Variants in FKBP6 observed in about 807,000 individuals in gnomAD.
FKBP6 encodes inactive peptidyl-prolyl cis-trans isomerase FKBP6.
FKBP6 carries 29 observed loss-of-function variants against 41.7 expected under a neutral mutation model. The ratio of observed to expected loss-of-function variants is 0.70; its 90% CI spans 0.52 to 0.95. The LOEUF (loss-of-function observed/expected upper bound fraction) is 0.95, where lower values mean the gene tolerates loss of function less well. FKBP6 is among the 40% of genes least tolerant of loss of function. The pLI is 0.00. For missense variants in FKBP6, 338 were observed against 408.7 expected (o/e 0.83, Z 1.49); for synonymous variants, 130 against 165.1 (o/e 0.79, Z 1.63).
intron 5 of FKBP6, among the ~76,000 whole-genome samples, chr7:73,334,224 C>T (rs553003219): frequency 2.0e-5 from 3 of 152,148 alleles, no homozygotes; most frequent in Admixed American, 1.3e-4. Context: ...CTAAATTTTA[C>T]GGTGATGTGC....
At chr7:73,338,316 G>A (rs61439610) in intron 5 of FKBP6, among the ~76,000 whole-genome samples, 4,436 of 152,270 alleles carry the variant, frequency 0.029, 223 homozygotes, top group African/African-American at 0.1. Context: ...ATGAGCCACC[G>A]CACCCGGACC....
chr7:73,337,612 C>T (rs141431773), intron 5 of FKBP6, among the ~76,000 whole-genome samples: 27 of 152,172 alleles, frequency 1.8e-4, no homozygotes, highest in African/African-American at 6.3e-4. Context: ...TCGTGTCCGG[C>T]CTTCCAGTTC....
chr7:73,339,916 A>G (rs1358321616), intron 5 of FKBP6, among the ~76,000 whole-genome samples: 2 of 152,170 alleles, frequency 1.3e-5, no homozygotes, highest in Admixed American at 1.3e-4. Flanking sequence ...CCTGGCCACC[A>G]TATGAATTAT....
Position 73,358,565 on chromosome 7 carries a change from A to G in FKBP6, c.*387A>G, listed in dbSNP as rs1448127403. 7 of 152,614 alleles carry G rather than the reference A, an allele frequency of 4.6e-5. No individual in the cohort carries two copies. Among genetic ancestry groups the G allele is most frequent in the African/African-American group, 1.4e-4 (6 of 41,432 alleles). The allele number at this position is 152,614 out of a possible 1,614,324, so 9.5% of individuals were successfully genotyped here. On this transcript the variant is annotated 3_prime_UTR_variant, in exon 9 of 9. Transcript: ENST00000252037. ...TTTTGTAGGGTTCTCTGTTTTGAAG[A>G]CAGAATTATGTTACAAATGTTTTTG... is the stretch of plus-strand genomic sequence containing the variant.
At chr7:73,347,998 C>T (rs1217712821) in intron 8 of FKBP6, among the ~76,000 whole-genome samples, 2 of 152,142 alleles carry the variant, frequency 1.3e-5, no homozygotes, top group African/African-American at 4.8e-5. Flanking sequence ...TCCAGGTACT[C>T]CCTGTTGCTC....
At chr7:73,329,724 T>G (rs1199192388) in intron 3 of FKBP6, 2 of 560,960 alleles carry the variant, frequency 3.6e-6, no homozygotes, top group African/African-American at 3.8e-5. Flanking sequence ...GAATACTTAC[T>G]TCCCACAATA....
chr7:73,349,105 A>C (rs551055106), intron 8 of FKBP6, among the ~76,000 whole-genome samples: 63 of 148,164 alleles, frequency 4.3e-4, no homozygotes, highest in South Asian at 6.4e-4. Flanking sequence ...ACCCTGTCCC[A>C]AAAAAAAAAA....
intron 7 of FKBP6, among the ~76,000 whole-genome samples, chr7:73,341,712 A>G (rs1441419488): frequency 7.1e-6 from 1 of 141,238 alleles, no homozygotes; most frequent in Non-Finnish European, 1.5e-5. Context: ...CACCTAGGCT[A>G]TAGGGCAATG....
At chr7:73,350,539 C>G (rs1360615168) in intron 8 of FKBP6, among the ~76,000 whole-genome samples, 3 of 152,132 alleles carry the variant, frequency 2.0e-5, no homozygotes, top group Non-Finnish European at 4.4e-5. Flanking sequence ...AAATTCCCCC[C>G]TCCTTTGCTT....
In FKBP6 at chr7:73,328,194, C is replaced by G; in HGVS notation, c.-235C>G. On this transcript the variant is annotated 5_prime_UTR_variant, in exon 1 of 9. Coordinates refer to ENST00000252037, the MANE Select transcript of FKBP6 (RefSeq NM_003602.5). ...TCGTGCGCTCCCATTACGGATCATA[C>G]CTCGCACCTCACCGCGTGGCCTCTG... 1 of 1,547,950 alleles carries G rather than the reference C, an allele frequency of 6.5e-7. No individual in the cohort carries two copies.
At chr7:73,357,275 T>TG (rs1394188913) in intron 8 of FKBP6, among the ~76,000 whole-genome samples, 2 of 143,146 alleles carry the variant, frequency 1.4e-5, no homozygotes, top group Non-Finnish European at 3.1e-5. Flanking sequence ...TTTGGTTTTT[T>TG]TTTTTTTTTT....
chr7:73,332,619 G>A (rs1416901624), intron 5 of FKBP6, among the ~76,000 whole-genome samples: 1 of 152,136 alleles, frequency 6.6e-6, no homozygotes, highest in South Asian at 2.1e-4. Context: ...GGATTGGGAG[G>A]CACCTGGGAA....
intron 5 of FKBP6, 71 bp from the exon 6 acceptor site, chr7:73,340,567 C>T (rs891759637): frequency 3.4e-5 from 44 of 1,275,786 alleles, no homozygotes; most frequent in Non-Finnish European, 4.6e-5. Context: ...ATAGTTTTTG[C>T]GTGTGGATTC....
chr7:73,337,031 C>T (rs1805026498), intron 5 of FKBP6: 1 of 341,682 alleles, frequency 2.9e-6, no homozygotes, highest in Non-Finnish European at 5.8e-6. Flanking sequence ...TTTGATTACT[C>T]ATGGGAATGA....
intron 5 of FKBP6, among the ~76,000 whole-genome samples, chr7:73,333,335 C>G (rs1442816080): frequency 1.3e-5 from 2 of 152,046 alleles, no homozygotes; most frequent in African/African-American, 4.8e-5. Flanking sequence ...TCATATAGGC[C>G]AAATGTTGCC....
At chr7:73,354,673 G>T (rs551121225) in intron 8 of FKBP6, among the ~76,000 whole-genome samples, 23 of 152,336 alleles carry the variant, frequency 1.5e-4, no homozygotes, top group Admixed American at 2.6e-4. Flanking sequence ...TTTCAGGAAG[G>T]TCTTTCATTC....
intron 8 of FKBP6, 71 bp downstream of exon 8, chr7:73,342,970 T>C: frequency 3.9e-6 from 4 of 1,030,854 alleles, no homozygotes; most frequent in Non-Finnish European, 6.2e-6. Flanking sequence ...CACCCCCAAG[T>C]GAATGGTGGC....
At chr7:73,332,476 C>CA (rs1554547873) in intron 5 of FKBP6, among the ~76,000 whole-genome samples, 2 of 132,882 alleles carry the variant, frequency 1.5e-5, no homozygotes, top group African/African-American at 2.9e-5. Flanking sequence ...GCAAGAAAGG[C>CA]AAAAAAACTC....
At chr7:73,329,154 T>C (rs1382131596) in intron 2 of FKBP6, among the ~76,000 whole-genome samples, 3 of 152,110 alleles carry the variant, frequency 2.0e-5, no homozygotes, top group East Asian at 3.9e-4. Flanking sequence ...GTCCCCTTTG[T>C]GTGATGCTTC....
Sources: allele counts gnomAD v4.1 joint callset (sites outside exome capture counted in the v4.1 genomes callset), GRCh38; gene constraint gnomAD v4.1.1; transcripts MANE v1.5; gene names NCBI Gene and HGNC (gene_info 2026-07-23, HGNC 2026-07-21).